Variants in MAP1LC3B observed in about 807,000 individuals in gnomAD.
The protein encoded by MAP1LC3B is microtubule-associated protein 1 light chain 3 beta.
In MAP1LC3B, 12 loss-of-function variants were observed where a neutral mutation model predicts 16.7. That is an observed-to-expected ratio of 0.72 (90% CI 0.46 to 1.16). The LOEUF (loss-of-function observed/expected upper bound fraction) is 1.16, where lower values mean the gene tolerates loss of function less well. MAP1LC3B is among the 50% of genes most tolerant of loss of function. The pLI, the probability that MAP1LC3B is intolerant of heterozygous loss-of-function variation, is 0.00. For missense variants in MAP1LC3B, 155 were observed against 159.5 expected (o/e 0.97, Z 0.15); for synonymous variants, 63 against 56.5 (o/e 1.11, Z -0.51).
chr16:87,393,896 A>G (rs1907704676), intron 1 of MAP1LC3B, among the ~76,000 whole-genome samples: 1 of 152,202 alleles, frequency 6.6e-6, no homozygotes, highest in Non-Finnish European at 1.5e-5. Context: ...TGAAAAGTTA[A>G]CTGGGAACAT....
At position 87,402,298 on chromosome 16, in the gene MAP1LC3B, G is replaced by A. The variant is rs761171339; in HGVS notation, c.203+17G>A. ...GATAATTAGGTATTCAGTCACCTTT[G>A]TTTCATAATATATTTCCTTTGAGTA... On this transcript the variant is annotated intron_variant, in intron 3 of 3. Coordinates refer to ENST00000268607, the MANE Select transcript of MAP1LC3B (RefSeq NM_022818.5). 3.7e-6 allele frequency: 6 copies of A among 1,604,890 alleles called. No individual in the cohort carries two copies. Among genetic ancestry groups the A allele is most frequent in the Non-Finnish European group, 5.1e-6 (6 of 1,172,656 alleles).
chr16:87,399,113 C>T (rs556171706), intron 2 of MAP1LC3B: 2 of 505,140 alleles, frequency 4.0e-6, no homozygotes, highest in African/African-American at 3.9e-5. Context: ...CTCAAGCAGT[C>T]CTCCCTCCTC....
chr16:87,400,765 T>C (rs919742747), intron 2 of MAP1LC3B, among the ~76,000 whole-genome samples: 4 of 151,722 alleles, frequency 2.6e-5, no homozygotes, highest in Non-Finnish European at 5.9e-5. Flanking sequence ...CTGGAACGCA[T>C]AGCCTCACCT....
chr16:87,397,750 G>C (rs1907855702), intron 1 of MAP1LC3B, among the ~76,000 whole-genome samples: 2 of 151,762 alleles, frequency 1.3e-5, no homozygotes, highest in Non-Finnish European at 2.9e-5. Context: ...TTATTTATTT[G>C]CGCTTACCGT....
Position 87,403,238 on chromosome 16 carries a change from TTG to T in MAP1LC3B, c.*145_*146del, listed in dbSNP as rs201400187. The T allele has an allele frequency of 1.1e-3, 1,032 of 952,822 alleles. 17 individuals carry two copies. The East Asian group carries it at 0.025, about 23-fold the overall frequency. The allele number at this position is 952,822 out of a possible 1,614,324, so 59.0% of individuals were successfully genotyped here. On this transcript the variant is annotated 3_prime_UTR_variant, in exon 4 of 4. Transcript: ENST00000268607. ...GTTCCCACCTAGGAGTGTTAGGAAGTTGTGTTTGTGTTTCAAGCAGAAAAACT... is the reference window on the plus strand; with the variant it reads ...GTTCCCACCTAGGAGTGTTAGGAAGTTGTTTGTGTTTCAAGCAGAAAAACT...
At position 87,395,947 on chromosome 16, in the gene MAP1LC3B, G is replaced by A. The variant is rs139220393; in HGVS notation, c.41-2868G>A. 6.3e-3 allele frequency among the ~76,000 whole-genome samples: 817 copies of A among 128,726 alleles called. 7 individuals carry two copies. The highest frequency in any genetic ancestry group is 0.019 in the African/African-American group (644 of 34,144). The allele number at this position is 128,726 out of a possible 152,430, so 84.4% of individuals were successfully genotyped here. A position where few individuals can be genotyped will look rare whatever the true frequency, so the allele number is the denominator to read the frequency against. The stretch of plus-strand genomic sequence containing the variant: ...ATGATCTCAGCTCACTGCAACCTCC[G>A]CCTCCTGGGTTCAAGTGATTCTCCT... On this transcript the variant is annotated intron_variant, in intron 1 of 3. Coordinates refer to ENST00000268607, the MANE Select transcript of MAP1LC3B (RefSeq NM_022818.5).
rs564422358 is a variant in MAP1LC3B, at chr16:87,404,414, G to A, written c.*1317G>A. 3 of 152,174 alleles carry A rather than the reference G, an allele frequency of 2.0e-5. No homozygotes were observed. The highest frequency in any genetic ancestry group is 7.2e-5 in the African/African-American group (3 of 41,436). 9.4% of individuals were successfully genotyped at this position (152,174 alleles called of 1,614,324 possible). A position where few individuals can be genotyped will look rare whatever the true frequency, so the allele number is the denominator to read the frequency against. ...TATACGTTAGTGAAAGCTGTTTACT[G>A]TAACGGGGAAAACCAGATTCTTTGC... On this transcript the variant is annotated 3_prime_UTR_variant, in exon 4 of 4. Coordinates refer to ENST00000268607, the MANE Select transcript of MAP1LC3B (RefSeq NM_022818.5).
chr16:87,401,365 T>C (rs767523342), intron 2 of MAP1LC3B, among the ~76,000 whole-genome samples: 2 of 152,124 alleles, frequency 1.3e-5, no homozygotes, highest in African/African-American at 2.4e-5. Context: ...GGCAGACATA[T>C]TGTCTCTCTT....
intron 3 of MAP1LC3B, 199 bp from the exon 4 acceptor site, chr16:87,402,724 C>G: frequency 1.5e-6 from 1 of 674,782 alleles, no homozygotes; most frequent in Non-Finnish European, 2.4e-6. Flanking sequence ...TAAAATCAGC[C>G]TAATATGTAA....
chr16:87,402,904 CGTT>C lies in MAP1LC3B; in HGVS notation c.204-15_204-13del, dbSNP rs1567501969. The C allele has an allele frequency of 2.5e-6, 4 of 1,613,344 alleles. No homozygotes were observed. The Admixed American group carries it at 6.7e-5, about 27-fold the overall frequency. ...TTGTATTGTTGTCAATATTTCTTCA[CGTT>C]GTTTTCTTTCAATAGAAGGCGCTTA... On this transcript the variant is annotated splice_polypyrimidine_tract_variant and intron_variant, in intron 3 of 3. Coordinates refer to ENST00000268607, the MANE Select transcript of MAP1LC3B (RefSeq NM_022818.5).
At chr16:87,397,566 G>T (rs1023801353) in intron 1 of MAP1LC3B, among the ~76,000 whole-genome samples, 2 of 152,154 alleles carry the variant, frequency 1.3e-5, no homozygotes, top group African/African-American at 2.4e-5. Flanking sequence ...TGCAGTGAGC[G>T]GAGATTGCAG....
At position 87,398,831 on chromosome 16, in the gene MAP1LC3B, T is replaced by C; in HGVS notation, c.57T>C (p.Asp19=). The C allele has an allele frequency of 6.2e-7, 1 of 1,614,190 alleles. No homozygotes were observed. The highest frequency in any genetic ancestry group is 1.7e-4 in the Middle Eastern group (1 of 6,060). Residue 19 remains aspartate (D), a synonymous_variant, in exon 2 of 4, where the codon GAT becomes GAC. Transcript: ENST00000268607. ...TCATTGCAGAACAAAGAGTAGAAGA[T>C]GTCCGACTTATTCGAGAGCAGCATC... is the stretch of plus-strand genomic sequence containing the variant. The part of the protein sequence containing the change: ...QRRTFEQRVE[D]VRLIREQHPT...
intron 1 of MAP1LC3B, among the ~76,000 whole-genome samples, chr16:87,395,412 G>A (rs181031303): frequency 5.3e-5 from 8 of 152,358 alleles, no homozygotes; most frequent in African/African-American, 1.7e-4. Flanking sequence ...TGCCAGCGGG[G>A]CAGTCTGTTG....
chr16:87,398,967 G>T lies in MAP1LC3B; in HGVS notation c.96+97G>T, dbSNP rs1037885476. 112 of 1,066,836 alleles carry T rather than the reference G, an allele frequency of 1.0e-4. No homozygotes were observed. The Middle Eastern group carries it at 1.8e-3, about 17-fold the overall frequency. The allele number at this position is 1,066,836 out of a possible 1,614,324, so 66.1% of individuals were successfully genotyped here. On this transcript the variant is annotated intron_variant, in intron 2 of 3. Transcript: ENST00000268607. Reference sequence around the variant, plus strand: ...TGACGGGTTTTTACAGGAATCACCAGACAGCCAAACCCTGGGTGTCAGTTT... The same window carrying T: ...TGACGGGTTTTTACAGGAATCACCATACAGCCAAACCCTGGGTGTCAGTTT...
At chr16:87,393,188 C>G (rs1287522462) in intron 1 of MAP1LC3B, 2 of 152,284 alleles carry the variant, frequency 1.3e-5, no homozygotes, top group African/African-American at 4.8e-5. Context: ...TCTGCCGGTT[C>G]AGACTGGAAA....
At chr16:87,398,521 A>G (rs1208580770) in intron 1 of MAP1LC3B, among the ~76,000 whole-genome samples, 1 of 152,230 alleles carries the variant, frequency 6.6e-6, no homozygotes, top group Non-Finnish European at 1.5e-5. Flanking sequence ...TCTGCCTTGT[A>G]TGTCTGACCA....
In MAP1LC3B at chr16:87,402,138, A is replaced by G. The variant is rs761826131; in HGVS notation, c.97-37A>G. ...GTGTGAGCCACCGCGCCTGGCCCTG[A>G]TGACTATTTTAAAATCACTTCTGGC... is the stretch of plus-strand genomic sequence containing the variant. On this transcript the variant is annotated intron_variant, in intron 2 of 3. Coordinates refer to ENST00000268607, the MANE Select transcript of MAP1LC3B (RefSeq NM_022818.5). 15 of 1,611,876 alleles carry G rather than the reference A, an allele frequency of 9.3e-6. No homozygotes were observed. In the Admixed American group the frequency reaches 1.7e-4, roughly 18 times the overall value.
rs1908046274 is a variant in MAP1LC3B, at chr16:87,402,912, TC to T, written c.204-10del. On this transcript the variant is annotated splice_polypyrimidine_tract_variant and intron_variant, in intron 3 of 3. Transcript: ENST00000268607. ...TTGTCAATATTTCTTCACGTTGTTT[TC>T]TTTCAATAGAAGGCGCTTACAGCTC... The T allele has an allele frequency of 6.2e-7, 1 of 1,613,616 alleles. No homozygotes were observed. The highest frequency in any genetic ancestry group is 1.7e-5 in the Admixed American group (1 of 59,932).
Position 87,403,886 on chromosome 16 carries a change from T to C in MAP1LC3B, c.*789T>C, listed in dbSNP as rs1460319340. The C allele has an allele frequency of 6.6e-6, 1 of 152,224 alleles. No individual in the cohort carries two copies. Among genetic ancestry groups the C allele is most frequent in the Non-Finnish European group, 1.5e-5 (1 of 68,044 alleles). The allele number at this position is 152,224 out of a possible 1,614,324, so 9.4% of individuals were successfully genotyped here. A position where few individuals can be genotyped will look rare whatever the true frequency, so the allele number is the denominator to read the frequency against. On this transcript the variant is annotated 3_prime_UTR_variant, in exon 4 of 4. Coordinates refer to ENST00000268607, the MANE Select transcript of MAP1LC3B (RefSeq NM_022818.5). ...TTTTGTCTGAGTTCAAACTAGTGCC[T>C]GTGTTGTTACGGAAAGCAGCAGTGT...
Sources: gnomAD v4.1 joint callset for allele counts (sites outside exome capture counted in the v4.1 genomes callset) on GRCh38, gnomAD v4.1.1 for gene constraint, MANE v1.5 for transcripts, NCBI Gene and HGNC (gene_info 2026-07-23, HGNC 2026-07-21) for gene names.